QSOX2: variants seen among roughly 807,000 people sequenced by gnomAD.
QSOX2 encodes quiescin sulfhydryl oxidase 2, also known as sulfhydryl oxidase 2.
A neutral mutation model predicts 61.7 loss-of-function variants in QSOX2; 46 were observed. The observed-to-expected ratio is 0.75, with a 90% confidence interval of 0.59 to 0.95. The LOEUF is 0.95. QSOX2 is among the 40% of genes least tolerant of loss of function. The pLI is 0.00. For missense variants in QSOX2, 879 were observed against 918.9 expected (o/e 0.96, Z 0.56); for synonymous variants, 383 against 388.4 (o/e 0.99, Z 0.16).
Position 136,208,402 on chromosome 9 carries a change from G to A in QSOX2, c.*326C>T, listed in dbSNP as rs958533297. 4.7e-6 allele frequency: 1 copy of A among 214,134 alleles called. No homozygotes were observed. The highest frequency in any genetic ancestry group is 2.3e-5 in the African/African-American group (1 of 43,508). The allele number at this position is 214,134 out of a possible 1,614,324, so 13.3% of individuals were successfully genotyped here. ...AAACGAGATGAAAGTGTGTGGGGAAGACTATCTGGCCTGGACTCTGCACCC... is the reference window on the plus strand; with the variant it reads ...AAACGAGATGAAAGTGTGTGGGGAAAACTATCTGGCCTGGACTCTGCACCC... On this transcript the variant is annotated 3_prime_UTR_variant, in exon 12 of 12. Coordinates refer to ENST00000358701, the MANE Select transcript of QSOX2 (RefSeq NM_181701.4).
chr9:136,240,748 G>A (rs1246208113), intron 1 of QSOX2, among the ~76,000 whole-genome samples: 1 of 152,214 alleles, frequency 6.6e-6, no homozygotes, highest in Non-Finnish European at 1.5e-5. Flanking sequence ...GCCTCATCTG[G>A]GGACTGAGGG....
chr9:136,208,920 A>T lies in QSOX2; in HGVS notation c.1905T>A (p.Ser635Arg). Reference sequence around the variant, plus strand: ...CCTTGTGGGCCCCGGGCCCATCCAGACTCTGGAGTTTCCCGTCCAAGCTGT... The same window carrying T: ...CCTTGTGGGCCCCGGGCCCATCCAGTCTCTGGAGTTTCCCGTCCAAGCTGT... ...LHHSLDGKLQ[S>R]LDGPGAHKEV... Residue 635 changes from serine (S) to arginine (R), a missense_variant, in exon 12 of 12, where the codon AGT becomes AGA. Transcript: ENST00000358701. The T allele has an allele frequency of 6.2e-7, 1 of 1,613,636 alleles. No homozygotes were observed.
chr9:136,219,008 T>A, intron 7 of QSOX2, 22 bp downstream of exon 7: 1 of 1,613,326 alleles, frequency 6.2e-7, no homozygotes, highest in Non-Finnish European at 8.5e-7. Context: ...TCCGGGGGCT[T>A]CAGTTCAAGA....
chr9:136,209,407 C>T lies in QSOX2; in HGVS notation c.1550-132G>A. 2.7e-6 allele frequency: 4 copies of T among 1,500,876 alleles called. No homozygotes were observed. Among genetic ancestry groups the T allele is most frequent in the Non-Finnish European group, 3.5e-6 (4 of 1,129,712 alleles). 93.0% of individuals were successfully genotyped at this position (1,500,876 alleles called of 1,614,324 possible). On this transcript the variant is annotated intron_variant, in intron 11 of 11. Transcript: ENST00000358701. The surrounding 1 kb of genome is among the most constrained non-coding windows in gnomAD (Gnocchi z 5.6). ...GCCCTGGCCCAGGGTCCTGCCAGGC[C>T]TCCCTCCCTGCCCTTCCCACCACCC...
chr9:136,226,213 C>T (rs543984881), intron 2 of QSOX2, among the ~76,000 whole-genome samples: 17 of 152,356 alleles, frequency 1.1e-4, no homozygotes, highest in African/African-American at 4.1e-4. Flanking sequence ...TGTCAAGGCA[C>T]GCAGGAGGCA....
At position 136,209,924 on chromosome 9, in the gene QSOX2, G is replaced by C; in HGVS notation, c.1550-649C>G. The C allele has an allele frequency of 1.0e-6, 1 of 985,378 alleles. No homozygotes were observed. The highest frequency in any genetic ancestry group is 1.2e-6 in the Non-Finnish European group (1 of 829,916). The allele number at this position is 985,378 out of a possible 1,614,324, so 61.0% of individuals were successfully genotyped here. A position where few individuals can be genotyped will look rare whatever the true frequency, so the allele number is the denominator to read the frequency against. ...AGGCATCCGTCATGCAGAAGCTGCG[G>C]CGCACGGCGCCTCCTAGCTCTCGGA... On this transcript the variant is annotated intron_variant, in intron 11 of 11. Coordinates refer to ENST00000358701, the MANE Select transcript of QSOX2 (RefSeq NM_181701.4). This position sits in a 1 kb window ranked among gnomAD's most constrained non-coding sequence, Gnocchi z 5.6.
intron 10 of QSOX2, among the ~76,000 whole-genome samples, chr9:136,212,056 G>A (rs902478827): frequency 6.6e-6 from 1 of 152,244 alleles, no homozygotes; most frequent in African/African-American, 2.4e-5. Flanking sequence ...ACAGGGACGG[G>A]TGCACCCACA....
chr9:136,229,717 C>A (rs896268002), intron 1 of QSOX2, among the ~76,000 whole-genome samples: 1 of 152,204 alleles, frequency 6.6e-6, no homozygotes, highest in Non-Finnish European at 1.5e-5. Flanking sequence ...CTGGTCCCAT[C>A]TGTGGTTTCT....
At position 136,212,901 on chromosome 9, in the gene QSOX2, CT is replaced by C. The variant is rs574967185; in HGVS notation, c.1361-1450del. 3.8e-3 allele frequency among the ~76,000 whole-genome samples: 586 copies of C among 152,336 alleles called. 2 individuals carry two copies. Among genetic ancestry groups the C allele is most frequent in the Non-Finnish European group, 6.4e-3 (438 of 68,034 alleles). ...CTGACCCAATTCTCTTGGCAGGAGG[CT>C]ACTCCTGGAGGCTGCTTCCAATATG... On this transcript the variant is annotated intron_variant, in intron 10 of 11. Transcript: ENST00000358701.
At chr9:136,232,137 C>T (rs577403697) in intron 1 of QSOX2, among the ~76,000 whole-genome samples, 4 of 152,242 alleles carry the variant, frequency 2.6e-5, no homozygotes, top group South Asian at 2.1e-4. Context: ...CTCTCATCCA[C>T]GTTATAAGGA....
intron 1 of QSOX2, among the ~76,000 whole-genome samples, chr9:136,242,604 C>T (rs932468553): frequency 1.3e-5 from 2 of 152,280 alleles, no homozygotes; most frequent in African/African-American, 4.8e-5. Context: ...CAGACCCCTG[C>T]ACTGCCACGG....
chr9:136,235,180 G>T (rs575859104), intron 1 of QSOX2, among the ~76,000 whole-genome samples: 2 of 152,248 alleles, frequency 1.3e-5, no homozygotes, highest in African/African-American at 4.8e-5. Context: ...GAGATGCCAA[G>T]GAAGATCCAT....
chr9:136,228,636 C>T (rs373629026), intron 1 of QSOX2, among the ~76,000 whole-genome samples: 2 of 152,168 alleles, frequency 1.3e-5, no homozygotes, highest in East Asian at 1.9e-4. Flanking sequence ...CAGGGCACGC[C>T]GCACCGTGGG....
intron 3 of QSOX2, 83 bp downstream of exon 3, chr9:136,224,778 C>A: frequency 1.1e-6 from 1 of 885,500 alleles, no homozygotes. Flanking sequence ...AGGCTGGGAG[C>A]TCCCCAGGCT....
intron 1 of QSOX2, among the ~76,000 whole-genome samples, chr9:136,233,100 T>C (rs1363459701): frequency 6.6e-6 from 1 of 152,082 alleles, no homozygotes; most frequent in Non-Finnish European, 1.5e-5. Context: ...GACTCTGCTG[T>C]TTGTGCACAC....
intron 1 of QSOX2, among the ~76,000 whole-genome samples, chr9:136,240,169 G>C (rs1023056220): frequency 6.6e-6 from 1 of 152,192 alleles, no homozygotes; most frequent in Non-Finnish European, 1.5e-5. Flanking sequence ...TGAGACCGCA[G>C]GCCTATTCTC....
rs148593601 is a variant in QSOX2, at chr9:136,224,023, G to A, written c.568C>T (p.Arg190Cys). The A allele has an allele frequency of 8.0e-4, 1,293 of 1,613,744 alleles. No individual in the cohort carries two copies. Among genetic ancestry groups the A allele is most frequent in the Non-Finnish European group, 1.1e-3 (1,239 of 1,179,878 alleles). Reference protein sequence around the residue: ...TEGSRPPACPRLDPIQPSDVL... With the variant: ...TEGSRPPACPCLDPIQPSDVL... ...GCTACTCACTGAATGGGGTCTAGGC[G>A]CGGGCAGGCAGGGGGCCGGCTTCCT... is the stretch of plus-strand genomic sequence containing the variant. Residue 190 changes from arginine (R) to cysteine (C), a missense_variant, in exon 4 of 12, where the codon CGC becomes TGC. Physicochemically the swap from Arg to Cys is radical, Grantham distance 180. Coordinates refer to ENST00000358701, the MANE Select transcript of QSOX2 (RefSeq NM_181701.4).
At chr9:136,215,398 G>T in intron 9 of QSOX2, 94 bp from the exon 10 acceptor site, 4 of 811,724 alleles carry the variant, frequency 4.9e-6, no homozygotes, top group South Asian at 1.9e-5. Context: ...TGGGGGGGGT[G>T]GATAATGGGG....
At position 136,245,540 on chromosome 9, in the gene QSOX2, C is replaced by A. The variant is rs1554758410; in HGVS notation, c.264G>T (p.Ser88=). 1 of 1,591,864 alleles carries A rather than the reference C, an allele frequency of 6.3e-7. No homozygotes were observed. The highest frequency in any genetic ancestry group is 1.1e-5 in the South Asian group (1 of 90,726). ...SSAAWLVQFY[S]SWCGHCIGYA... ...AGCCGATGCAGTGGCCACACCACGA[C>A]GAGTAGAACTGCACGAGCCACGCGG... Residue 88 remains serine, a synonymous_variant, in exon 1 of 12, where the codon TCG becomes TCT. Transcript: ENST00000358701.
Sources: gnomAD v4.1 joint callset for allele counts (sites outside exome capture counted in the v4.1 genomes callset) on GRCh38, gnomAD v4.1.1 for gene constraint, Gnocchi (gnomAD v3.1) non-coding constraint, MANE v1.5 for transcripts, NCBI Gene and HGNC (gene_info 2026-07-23, HGNC 2026-07-21) for gene names.